The following KCNT2 variants were observed in gnomAD, a reference collection of about 807,000 sequenced individuals.
KCNT2 encodes the protein potassium channel subfamily T member 2.
Under a neutral mutation model 153.8 loss-of-function variants are expected in KCNT2, and 67 were observed. The observed-to-expected ratio is 0.44, with a 90% CI of 0.36 to 0.53. The LOEUF (loss-of-function observed/expected upper bound fraction) is 0.53. Among genes scored for constraint, KCNT2 ranks in the 20% least tolerant of loss-of-function variants. The pLI, the probability that KCNT2 is intolerant of heterozygous loss-of-function variation, is 0.00. For synonymous variants in KCNT2, 500 were observed against 458.8 expected (o/e 1.09, Z -1.15); for missense variants, 975 against 1,354.8 (o/e 0.72, Z 4.40).
chr1:196,390,248 T>G (rs544219736), intron 13 of KCNT2, among the ~76,000 whole-genome samples: 1 of 151,706 alleles, frequency 6.6e-6, no homozygotes, highest in Non-Finnish European at 1.5e-5. Context: ...AGTACAATAA[T>G]TACATGTTAT....
intron 4 of KCNT2, among the ~76,000 whole-genome samples, chr1:196,480,638 G>A (rs1403687012): frequency 6.6e-6 from 1 of 151,770 alleles, no homozygotes; most frequent in African/African-American, 2.4e-5. Context: ...GGCGGATCAC[G>A]AGGTCAGGAG....
In KCNT2 at chr1:196,332,785, GT is replaced by G. The variant is rs549603960; in HGVS notation, c.1997+1061del. ...TTACAGGTAAATAAATTATTGGCTA[GT>G]TTTTTTTTTTTTTTTTAAGACAGAG... On this transcript the variant is annotated intron_variant, in intron 17 of 27. Coordinates refer to ENST00000294725, the MANE Select transcript of KCNT2 (RefSeq NM_198503.5). 6.3e-3 allele frequency among the ~76,000 whole-genome samples: 862 copies of G among 136,384 alleles called. 4 individuals are homozygous for G. The highest frequency in any genetic ancestry group is 0.02 in the South Asian group (85 of 4,168). 89.5% of individuals were successfully genotyped at this position (136,384 alleles called of 152,430 possible). A position where few individuals can be genotyped will look rare whatever the true frequency, so the allele number is the denominator to read the frequency against.
At chr1:196,447,412 C>T (rs149450978) in intron 8 of KCNT2, among the ~76,000 whole-genome samples, 3 of 151,554 alleles carry the variant, frequency 2.0e-5, no homozygotes, top group South Asian at 4.1e-4. Context: ...AAAACCCACA[C>T]GTCAGGAATC....
At chr1:196,581,986 C>G (rs796327197) in intron 1 of KCNT2, among the ~76,000 whole-genome samples, 1 of 152,138 alleles carries the variant, frequency 6.6e-6, no homozygotes, top group East Asian at 1.9e-4. Context: ...ATAATACTGC[C>G]AGTTCTTCAG....
chr1:196,389,388 G>A (rs1406741596), intron 13 of KCNT2, among the ~76,000 whole-genome samples: 1 of 151,332 alleles, frequency 6.6e-6, no homozygotes, highest in Non-Finnish European at 1.5e-5. Context: ...TTTATTTTCT[G>A]GATATAAGCT....
At chr1:196,522,753 G>C (rs1653614001) in intron 1 of KCNT2, among the ~76,000 whole-genome samples, 1 of 152,144 alleles carries the variant, frequency 6.6e-6, no homozygotes, top group Admixed American at 6.5e-5. Context: ...CTAGCTAAAG[G>C]ATTGTAAATG....
At chr1:196,319,598 C>T in intron 19 of KCNT2, 43 bp from the exon 20 acceptor site, 1 of 1,292,108 alleles carries the variant, frequency 7.7e-7, no homozygotes, top group Non-Finnish European at 1.1e-6. Context: ...AATGTCACAA[C>T]AGTGGCAGCA....
chr1:196,568,695 G>A (rs1158783168), intron 1 of KCNT2, among the ~76,000 whole-genome samples: 1 of 151,712 alleles, frequency 6.6e-6, no homozygotes, highest in Non-Finnish European at 1.5e-5. Context: ...ACCTCCTGCT[G>A]TGTGGCGCTG....
chr1:196,236,097 G>A, intron 26 of KCNT2, 27 bp from the exon 27 acceptor site: 1 of 1,211,110 alleles, frequency 8.3e-7, no homozygotes, highest in Non-Finnish European at 1.2e-6. Flanking sequence ...TGCCAAGTTT[G>A]TTATACTGCT....
chr1:196,442,410 T>A (rs1416696104), intron 8 of KCNT2, among the ~76,000 whole-genome samples: 5 of 151,840 alleles, frequency 3.3e-5, no homozygotes, highest in African/African-American at 1.2e-4. Context: ...GCAAAGACAC[T>A]GGTATGTAAA....
At chr1:196,588,341 C>G (rs1392879005) in intron 1 of KCNT2, among the ~76,000 whole-genome samples, 1 of 151,360 alleles carries the variant, frequency 6.6e-6, no homozygotes, top group East Asian at 1.9e-4. Flanking sequence ...CAGTACACAA[C>G]AAATGTGATG....
chr1:196,552,917 T>A (rs991072595), intron 1 of KCNT2, among the ~76,000 whole-genome samples: 1 of 150,552 alleles, frequency 6.6e-6, no homozygotes, highest in African/African-American at 2.4e-5. Context: ...AAACATACAA[T>A]GGATATGTGA....
In KCNT2 at chr1:196,326,900, G is replaced by T; in HGVS notation, c.2104-11C>A. On this transcript the variant is annotated splice_polypyrimidine_tract_variant and intron_variant, in intron 18 of 27. Transcript: ENST00000294725. ...GTTATGTTGGCAACTCTAGAGAAGAGAAAGTATACATTGAAATGCCATTTG... is the reference window on the plus strand; with the variant it reads ...GTTATGTTGGCAACTCTAGAGAAGATAAAGTATACATTGAAATGCCATTTG... 2.0e-6 allele frequency: 3 copies of T among 1,507,466 alleles called. No homozygotes were observed. Among genetic ancestry groups the T allele is most frequent in the Non-Finnish European group, 1.8e-6 (2 of 1,125,496 alleles). 93.4% of individuals were successfully genotyped at this position (1,507,466 alleles called of 1,614,324 possible).
At chr1:196,531,480 C>T (rs75885561) in intron 1 of KCNT2, among the ~76,000 whole-genome samples, 3,242 of 152,058 alleles carry the variant, frequency 0.021, 118 homozygotes, top group African/African-American at 0.073. Flanking sequence ...GGTAACGGCT[C>T]CTACTTTCTA....
At position 196,479,257 on chromosome 1, in the gene KCNT2, CTT is replaced by C; in HGVS notation, c.325-21_325-20del. ...CTGAAACCTGAAAGATAAATTGTAA[CTT>C]AATGAGAAAACGCAATACAATTAAA... On this transcript the variant is annotated intron_variant, in intron 4 of 27. Coordinates refer to ENST00000294725, the MANE Select transcript of KCNT2 (RefSeq NM_198503.5). 1.4e-6 allele frequency: 2 copies of C among 1,452,568 alleles called. No individual in the cohort carries two copies. Among genetic ancestry groups the C allele is most frequent in the Non-Finnish European group, 9.6e-7 (1 of 1,042,896 alleles). 90.0% of individuals were successfully genotyped at this position (1,452,568 alleles called of 1,614,324 possible).
At chr1:196,601,486 AAT>A (rs1413976040) in intron 1 of KCNT2, among the ~76,000 whole-genome samples, 4 of 152,186 alleles carry the variant, frequency 2.6e-5, no homozygotes, top group Admixed American at 2.6e-4. Context: ...TAGGGTGTTT[AAT>A]GTCTGTGAAA....
intron 22 of KCNT2, among the ~76,000 whole-genome samples, chr1:196,304,694 C>CA (rs1661470064): frequency 6.6e-6 from 1 of 152,138 alleles, no homozygotes; most frequent in Non-Finnish European, 1.5e-5. Context: ...CATTACTTTG[C>CA]AATTCCATTG....
intron 1 of KCNT2, among the ~76,000 whole-genome samples, chr1:196,503,369 A>G (rs576972493): frequency 1.1e-4 from 16 of 152,164 alleles, no homozygotes; most frequent in Non-Finnish European, 2.4e-4. Context: ...TCATCACAAA[A>G]CTATTTATAA....
chr1:196,254,327 C>T (rs551940588), intron 26 of KCNT2, among the ~76,000 whole-genome samples: 5 of 151,450 alleles, frequency 3.3e-5, no homozygotes, highest in Admixed American at 3.3e-4. Flanking sequence ...GGGGAAAATA[C>T]ACACACACTC....
Sources: gnomAD v4.1 joint callset for allele counts (sites outside exome capture counted in the v4.1 genomes callset) on GRCh38, gnomAD v4.1.1 for gene constraint, MANE v1.5 for transcripts, NCBI Gene and HGNC (gene_info 2026-07-23, HGNC 2026-07-21) for gene names.